Variants in HAO2 observed in about 807,000 individuals in gnomAD.
The protein encoded by HAO2 is 2-Hydroxyacid oxidase 2.
Under a neutral mutation model 37.4 loss-of-function variants are expected in HAO2, and 42 were observed. The observed-to-expected ratio is 1.12, with a 90% CI of 0.88 to 1.45. The LOEUF (loss-of-function observed/expected upper bound fraction) is 1.45. Ranked by LOEUF, HAO2 falls within the 40% of genes most tolerant of loss-of-function variation. The pLI is 0.00. For synonymous variants in HAO2, 180 were observed against 162.8 expected (o/e 1.11, Z -0.81); for missense variants, 476 against 430.2 (o/e 1.11, Z -0.94).
Position 119,393,951 on chromosome 1 carries a change from T to C in HAO2, c.*111T>C. 6.4e-7 allele frequency: 1 copy of C among 1,572,126 alleles called. No homozygotes were observed. The highest frequency in any genetic ancestry group is 1.1e-5 in the South Asian group (1 of 88,524). ...GGACCCCATTCTGTCCGGAGGCTCA[T>C]GGCCCATATTTCCCACATTTCTAAT... is the stretch of plus-strand genomic sequence containing the variant. On this transcript the variant is annotated 3_prime_UTR_variant, in exon 8 of 8. Coordinates refer to ENST00000325945, the MANE Select transcript of HAO2 (RefSeq NM_016527.4).
chr1:119,392,045 C>A, intron 5 of HAO2, 65 bp from the exon 6 acceptor site: 2 of 1,443,218 alleles, frequency 1.4e-6, no homozygotes, highest in Non-Finnish European at 1.9e-6. Context: ...TGGTCATATG[C>A]CAGGAAGACC....
intron 7 of HAO2, among the ~76,000 whole-genome samples, chr1:119,393,444 G>A (rs899381135): frequency 2.6e-5 from 4 of 152,028 alleles, no homozygotes; most frequent in Non-Finnish European, 4.4e-5. Flanking sequence ...TATTCCTCCC[G>A]AAAAGATACT....
intron 2 of HAO2, 38 bp downstream of exon 2, chr1:119,381,254 G>C: frequency 6.5e-7 from 1 of 1,528,832 alleles, no homozygotes. Context: ...TTAGGTTAAG[G>C]TGCACTGGTG....
Position 119,393,945 on chromosome 1 carries a change from G to A in HAO2, c.*105G>A, listed in dbSNP as rs1651127194. Reference sequence around the variant, plus strand: ...CTTCCTGGACCCCATTCTGTCCGGAGGCTCATGGCCCATATTTCCCACATT... The same window carrying A: ...CTTCCTGGACCCCATTCTGTCCGGAAGCTCATGGCCCATATTTCCCACATT... On this transcript the variant is annotated 3_prime_UTR_variant, in exon 8 of 8. Transcript: ENST00000325945. 2 of 1,583,412 alleles carry A rather than the reference G, an allele frequency of 1.3e-6. No individual in the cohort carries two copies. The highest frequency in any genetic ancestry group is 1.7e-5 in the Admixed American group (1 of 58,392).
chr1:119,393,713 A>G (rs983188493), intron 7 of HAO2, 72 bp from the exon 8 acceptor site: 6 of 1,237,980 alleles, frequency 4.8e-6, no homozygotes, highest in Middle Eastern at 1.9e-4. Context: ...CCCCTTCATC[A>G]CCCCTTACCC....
chr1:119,388,102 G>A (rs1412795493), intron 5 of HAO2, among the ~76,000 whole-genome samples: 1 of 152,148 alleles, frequency 6.6e-6, no homozygotes, highest in African/African-American at 2.4e-5. Context: ...TGCAAACTTA[G>A]GAGAAAGTGG....
chr1:119,389,965 A>G (rs1650744553), intron 5 of HAO2, among the ~76,000 whole-genome samples: 1 of 152,136 alleles, frequency 6.6e-6, no homozygotes, highest in Non-Finnish European at 1.5e-5. Context: ...TGATTTTTAT[A>G]TAAAGTGAGA....
rs752987978 is a variant in HAO2 at position 119,385,052 on chromosome 1, A to C, written c.560A>C (p.Lys187Thr). The change falls in exon 4 of 8, where the codon AAG (lysine) becomes ACG (threonine). Residue 187 changes from lysine (K) to threonine (T), a missense_variant and splice_region_variant. Lys to Thr is a moderately conservative substitution (Grantham distance 78, BLOSUM62 -1). Coordinates refer to ENST00000325945, the MANE Select transcript of HAO2 (RefSeq NM_016527.4). ...LTLTDLQSPKKGNAIPYFQMT... is the reference protein window; with the variant it reads ...LTLTDLQSPKTGNAIPYFQMT... ...CTAACAGATCTTCAATCACCTAAAA[A>C]GGTAAGAAAGATACCAAATTCGATG... 6.2e-7 allele frequency: 1 copy of C among 1,605,682 alleles called. No homozygotes were observed. The highest frequency in any genetic ancestry group is 8.5e-7 in the Non-Finnish European group (1 of 1,173,330).
intron 1 of HAO2, chr1:119,380,809 T>A (rs72989691): frequency 9.3e-6 from 8 of 858,202 alleles, no homozygotes; most frequent in Non-Finnish European, 1.9e-6. Context: ...GTGTGTACAG[T>A]GGAGGAGAAG....
Position 119,393,988 on chromosome 1 carries a change from T to C in HAO2, c.*148T>C, listed in dbSNP as rs768020175. The C allele has an allele frequency of 7.4e-6, 11 of 1,491,172 alleles. No individual in the cohort carries two copies. Among genetic ancestry groups the C allele is most frequent in the Non-Finnish European group, 9.9e-6 (11 of 1,112,132 alleles). The allele number at this position is 1,491,172 out of a possible 1,614,324, so 92.4% of individuals were successfully genotyped here. On this transcript the variant is annotated 3_prime_UTR_variant, in exon 8 of 8. Transcript: ENST00000325945. ...CCCACATTTCTAATACCACCACCCCTGTGCTTCAGGCCCTCCAAACCCCTG... is the reference window on the plus strand; with the variant it reads ...CCCACATTTCTAATACCACCACCCCCGTGCTTCAGGCCCTCCAAACCCCTG...
chr1:119,388,203 G>C (rs189816132), intron 5 of HAO2, among the ~76,000 whole-genome samples: 14 of 152,286 alleles, frequency 9.2e-5, no homozygotes, highest in African/African-American at 3.1e-4. Context: ...GAAAGCAAAA[G>C]AGCATAGCAT....
intron 5 of HAO2, among the ~76,000 whole-genome samples, chr1:119,391,753 G>T (rs1376410061): frequency 6.6e-6 from 1 of 152,170 alleles, no homozygotes; most frequent in African/African-American, 2.4e-5. Flanking sequence ...GAAACAGAGA[G>T]AGTAGAAGAA....
In HAO2 at chr1:119,386,604, C is replaced by T. The variant is rs759718628; in HGVS notation, c.562-18C>T. The T allele has an allele frequency of 5.3e-6, 8 of 1,505,310 alleles. No homozygotes were observed. Among genetic ancestry groups the T allele is most frequent in the Middle Eastern group, 1.7e-4 (1 of 5,854 alleles). The allele number at this position is 1,505,310 out of a possible 1,614,324, so 93.2% of individuals were successfully genotyped here. ...CTTGTGAGAGCTCAGGACTAAGTTC[C>T]CTTTTTATTTCCTATAGGGAAATGC... On this transcript the variant is annotated intron_variant, in intron 4 of 7. Coordinates refer to ENST00000325945, the MANE Select transcript of HAO2 (RefSeq NM_016527.4).
chr1:119,382,627 A>C (rs1416465766), intron 2 of HAO2, among the ~76,000 whole-genome samples: 1 of 152,240 alleles, frequency 6.6e-6, no homozygotes, highest in Non-Finnish European at 1.5e-5. Context: ...TCAAAGACAC[A>C]GACTTCTGAC....
intron 1 of HAO2, among the ~76,000 whole-genome samples, 164 bp from the exon 2 acceptor site, chr1:119,380,914 G>C (rs753839101): frequency 6.6e-5 from 10 of 152,164 alleles, no homozygotes; most frequent in Admixed American, 6.5e-4. Flanking sequence ...TCTGACTTCT[G>C]GCTTAGGGAT....
intron 2 of HAO2, 70 bp from the exon 3 acceptor site, chr1:119,382,845 C>A: frequency 7.0e-7 from 1 of 1,437,558 alleles, no homozygotes; most frequent in Non-Finnish European, 9.6e-7. Flanking sequence ...CAGGGGGGTC[C>A]ACCCCAGACA....
chr1:119,383,162 G>A, intron 3 of HAO2, 96 bp downstream of exon 3: 1 of 821,146 alleles, frequency 1.2e-6, no homozygotes, highest in Non-Finnish European at 1.9e-6. Flanking sequence ...AGGGCCTTAG[G>A]AACATAATCT....
chr1:119,379,449 C>G (rs1649741995), intron 1 of HAO2, among the ~76,000 whole-genome samples: 1 of 152,186 alleles, frequency 6.6e-6, no homozygotes, highest in South Asian at 2.1e-4. Flanking sequence ...TCCCAGGCAT[C>G]ATATATTAGT....
At chr1:119,376,058 T>A (rs1649432006) in intron 1 of HAO2, among the ~76,000 whole-genome samples, 1 of 152,146 alleles carries the variant, frequency 6.6e-6, no homozygotes, top group Non-Finnish European at 1.5e-5. Flanking sequence ...CTCAAAGTCA[T>A]AACTAATTTC....
Sources: allele counts gnomAD v4.1 joint callset (sites outside exome capture counted in the v4.1 genomes callset), GRCh38; gene constraint gnomAD v4.1.1; transcripts MANE v1.5; gene names NCBI Gene and HGNC (gene_info 2026-07-23, HGNC 2026-07-21).